FABP12: variants seen among roughly 807,000 people sequenced by gnomAD.
FABP12 encodes the protein fatty acid binding protein 12, also known as fatty acid-binding protein 12.
A neutral mutation model predicts 13.7 loss-of-function variants in FABP12; 19 were observed. The ratio of observed to expected loss-of-function variants is 1.39; its 90% CI spans 0.97 to 2.04. The LOEUF (loss-of-function observed/expected upper bound fraction) is 2.04. Among genes scored for constraint, FABP12 ranks in the 30% most tolerant of loss-of-function variants. The pLI is 0.00. For missense variants in FABP12, 182 were observed against 164.2 expected, an observed-to-expected ratio of 1.11 and a Z score of -0.59; for synonymous variants, 61 against 57.0, an observed-to-expected ratio of 1.07 and a Z score of -0.32.
exon 3 of FABP12, chr8:81,529,577 A>G: frequency 1.2e-6 from 2 of 1,613,932 alleles, no homozygotes; most frequent in Non-Finnish European, 1.7e-6. Flanking sequence ...GGGTTTTGCC[A>G]AACGGCCCAG....
chr8:81,543,765 A>G (rs1266712371), intron 1 of FABP12, among the ~76,000 whole-genome samples: 1 of 151,916 alleles, frequency 6.6e-6, no homozygotes, highest in African/African-American at 2.4e-5. Flanking sequence ...TATAGTTAGA[A>G]GAATAAATTC....
At chr8:81,528,787 G>T (rs1257770308) in intron 3 of FABP12, among the ~76,000 whole-genome samples, 2 of 152,130 alleles carry the variant, frequency 1.3e-5, no homozygotes, top group East Asian at 1.9e-4. Context: ...TGAAAACTCT[G>T]TGTGGCACTT....
intron 3 of FABP12, among the ~76,000 whole-genome samples, chr8:81,528,147 A>G (rs1394201023): frequency 1.3e-5 from 2 of 152,070 alleles, no homozygotes; most frequent in Non-Finnish European, 2.9e-5. Context: ...TGGTGCAATC[A>G]TGGCTCACTG....
intron 1 of FABP12, among the ~76,000 whole-genome samples, chr8:81,579,079 C>A (rs889120185): frequency 9.2e-5 from 14 of 152,108 alleles, no homozygotes; most frequent in Non-Finnish European, 2.9e-5. Flanking sequence ...CCACCCGCCT[C>A]TGCCTCCCAA....
At chr8:81,530,338 A>T (rs2129944596) in intron 2 of FABP12, among the ~76,000 whole-genome samples, 1 of 152,278 alleles carries the variant, frequency 6.6e-6, no homozygotes, top group East Asian at 1.9e-4. Context: ...ATAATATTCC[A>T]CAGTGTGTAT....
chr8:81,574,377 G>T (rs1809993477), intron 1 of FABP12, among the ~76,000 whole-genome samples: 1 of 151,602 alleles, frequency 6.6e-6, no homozygotes, highest in Admixed American at 6.6e-5. Context: ...AAGAGTTTTA[G>T]TATCTATGTT....
intron 1 of FABP12, among the ~76,000 whole-genome samples, chr8:81,581,919 G>T (rs1458089082): frequency 6.6e-6 from 1 of 151,524 alleles, no homozygotes; most frequent in Non-Finnish European, 1.5e-5. Flanking sequence ...CACAAACAAG[G>T]AAGAGGAAAA....
intron 1 of FABP12, among the ~76,000 whole-genome samples, chr8:81,543,908 A>G (rs1002219327): frequency 6.6e-6 from 1 of 152,104 alleles, no homozygotes; most frequent in African/African-American, 2.4e-5. Flanking sequence ...TTTTATAGGA[A>G]AGAGAGAGAG....
At chr8:81,573,771 A>G (rs1809977203) in intron 1 of FABP12, among the ~76,000 whole-genome samples, 1 of 152,102 alleles carries the variant, frequency 6.6e-6, no homozygotes, top group African/African-American at 2.4e-5. Flanking sequence ...TCTTGGTGTA[A>G]TAGAAGAGCT....
At chr8:81,569,956 C>T (rs1453490430) in intron 1 of FABP12, among the ~76,000 whole-genome samples, 2 of 152,206 alleles carry the variant, frequency 1.3e-5, no homozygotes, top group Non-Finnish European at 2.9e-5. Flanking sequence ...TGGCCTGAAT[C>T]CCAAGTCTCC....
At chr8:81,544,200 G>A (rs1310247629) in intron 1 of FABP12, among the ~76,000 whole-genome samples, 2 of 152,120 alleles carry the variant, frequency 1.3e-5, no homozygotes, top group African/African-American at 4.8e-5. Flanking sequence ...CTGTTGTAAC[G>A]AATTAACGTT....
At chr8:81,562,324 G>C (rs1404643254) in intron 1 of FABP12, among the ~76,000 whole-genome samples, 1 of 152,192 alleles carries the variant, frequency 6.6e-6, no homozygotes, top group Non-Finnish European at 1.5e-5. Flanking sequence ...GTTGGCTTCA[G>C]GGGTGACCCA....
At chr8:81,551,839 T>C (rs537184200) in intron 1 of FABP12, among the ~76,000 whole-genome samples, 16 of 152,160 alleles carry the variant, frequency 1.1e-4, no homozygotes, top group Non-Finnish European at 2.1e-4. Flanking sequence ...AGAGGCCTAA[T>C]AGTTCTGGGT....
At chr8:81,559,920 C>G (rs887564811) in intron 1 of FABP12, among the ~76,000 whole-genome samples, 1 of 152,136 alleles carries the variant, frequency 6.6e-6, no homozygotes, top group Non-Finnish European at 1.5e-5. Context: ...CCACATAGTT[C>G]AAACCATTCT....
intron 1 of FABP12, among the ~76,000 whole-genome samples, chr8:81,550,940 C>T (rs1416244479): frequency 3.9e-5 from 6 of 152,156 alleles, no homozygotes; most frequent in African/African-American, 1.4e-4. Flanking sequence ...TATGGCCAGA[C>T]AACTCTATTA....
At chr8:81,568,116 C>T (rs1292370356) in intron 1 of FABP12, among the ~76,000 whole-genome samples, 1 of 142,186 alleles carries the variant, frequency 7.0e-6, no homozygotes. Flanking sequence ...GGCGACAGAG[C>T]GAGACTCCGT....
intron 4 of FABP12, 88 bp downstream of exon 4, chr8:81,526,932 G>T (rs1397427932): frequency 9.9e-6 from 7 of 705,130 alleles, no homozygotes; most frequent in Middle Eastern, 2.5e-4. Flanking sequence ...AAGGAAAATG[G>T]CATTCATTTT....
chr8:81,526,464 A>C (rs1808901945), intron 4 of FABP12: 1 of 152,266 alleles, frequency 6.6e-6, no homozygotes. Context: ...TAGGTAAGTC[A>C]ATGTCTGAAT....
intron 1 of FABP12, among the ~76,000 whole-genome samples, chr8:81,567,893 G>A (rs1327403483): frequency 6.6e-6 from 1 of 151,536 alleles, no homozygotes; most frequent in African/African-American, 2.4e-5. Flanking sequence ...AGGCCGAGGC[G>A]GGTGGATCAT....
Sources: gnomAD v4.1 joint callset for allele counts (sites outside exome capture counted in the v4.1 genomes callset) on GRCh38, gnomAD v4.1.1 for gene constraint, MANE v1.5 for transcripts, NCBI Gene and HGNC (gene_info 2026-07-23, HGNC 2026-07-21) for gene names.